PLPBP: variants seen among roughly 807,000 people sequenced by gnomAD.
The protein encoded by PLPBP is pyridoxal phosphate binding protein.
A neutral mutation model predicts 31.2 loss-of-function variants in PLPBP; 21 were observed. The ratio of observed to expected loss-of-function variants is 0.67; its 90% CI spans 0.48 to 0.97. The LOEUF (loss-of-function observed/expected upper bound fraction) is 0.97. Ranked by LOEUF, PLPBP falls within the 50% of genes least tolerant of loss-of-function variation. The pLI is 0.00. For synonymous variants in PLPBP, 124 were observed against 135.6 expected, an observed-to-expected ratio of 0.91 and a Z score of 0.59; for missense variants, 308 against 354.4, an observed-to-expected ratio of 0.87 and a Z score of 1.05.
chr8:37,764,699 G>C (rs1207746945), intron 1 of PLPBP, among the ~76,000 whole-genome samples: 2 of 152,214 alleles, frequency 1.3e-5, no homozygotes, highest in Admixed American at 6.5e-5. Flanking sequence ...AAATGGGGCA[G>C]TGTTATTATG....
At position 37,762,707 on chromosome 8, in the gene PLPBP, A is replaced by G. The variant is rs906414742; in HGVS notation, c.48A>G (p.Ala16=). The G allele has an allele frequency of 3.1e-6, 5 of 1,591,162 alleles. No homozygotes were observed. In the East Asian group the frequency reaches 9.0e-5, roughly 29 times the overall value. The change falls in exon 1 of 8, where the codon GCA becomes GCG. Residue 16 remains alanine, a synonymous_variant. Transcript: ENST00000328195. ...CGGCCGAGCTGGGAGTCGGGTGCGC[A>G]TTGCGGGCGGTGAACGAGCGCGTGC... is the stretch of plus-strand genomic sequence containing the variant. The part of the protein sequence containing the change: ...SMSAELGVGC[A]LRAVNERVQQ...
chr8:37,777,864 C>A (rs1007537242), intron 7 of PLPBP, 109 bp from the exon 8 acceptor site: 4 of 1,308,840 alleles, frequency 3.1e-6, no homozygotes, highest in Admixed American at 2.0e-5. Context: ...AGCCACCACG[C>A]CCCGTCCATA....
chr8:37,762,782 A>G, intron 1 of PLPBP, 24 bp downstream of exon 1: 2 of 1,540,554 alleles, frequency 1.3e-6, no homozygotes, highest in South Asian at 2.4e-5. Flanking sequence ...CTGCGTGGGG[A>G]CGGTGGGCGG....
In PLPBP at chr8:37,765,634, G is replaced by T. The variant is rs767795673; in HGVS notation, c.207+1G>T. 3.7e-6 allele frequency: 6 copies of T among 1,614,078 alleles called. No homozygotes were observed. The highest frequency in any genetic ancestry group is 2.7e-5 in the African/African-American group (2 of 74,942). On this transcript the variant is annotated splice_donor_variant, in intron 2 of 7. Transcript: ENST00000328195. LOFTEE classifies it high-confidence loss of function. ...GCAGCGCACTTTTGGCGAGAACTAC[G>T]TAAGAGCCCTTTCCTGAAGCCCTTT...
rs1477705103 is a variant in PLPBP at position 37,779,389 on chromosome 8, T to G, written c.*1285T>G. On this transcript the variant is annotated 3_prime_UTR_variant, in exon 8 of 8. Transcript: ENST00000328195. Reference sequence around the variant, plus strand: ...TGTCCTGAGGAGCACTTTCCAGGCATAGTTACAGCTTCCCCACTGTATTTA... The same window carrying G: ...TGTCCTGAGGAGCACTTTCCAGGCAGAGTTACAGCTTCCCCACTGTATTTA... 2 of 152,124 alleles carry G rather than the reference T, an allele frequency of 1.3e-5. No individual in the cohort carries two copies. Among genetic ancestry groups the G allele is most frequent in the Non-Finnish European group, 2.9e-5 (2 of 68,026 alleles). 9.4% of individuals were successfully genotyped at this position (152,124 alleles called of 1,614,324 possible).
Position 37,772,763 on chromosome 8 carries a change from A to T in PLPBP, c.328A>T (p.Asn110Tyr). ...CCTCTGTCTCATTACAGCTGTCCCC[A>T]ATCTCTTCATGCTGGAAACAGTGGA... ...QNVNKLMAVP[N>Y]LFMLETVDSV... Residue 110 changes from asparagine to tyrosine, a missense_variant, in exon 5 of 8, where the codon AAT becomes TAT. Physicochemically the swap from Asn to Tyr is moderately radical, Grantham distance 143. Coordinates refer to ENST00000328195, the MANE Select transcript of PLPBP (RefSeq NM_007198.4). 6.2e-7 allele frequency: 1 copy of T among 1,614,190 alleles called. No homozygotes were observed. Among genetic ancestry groups the T allele is most frequent in the Non-Finnish European group, 8.5e-7 (1 of 1,180,036 alleles).
chr8:37,773,797 C>T (rs1212215471), intron 5 of PLPBP, among the ~76,000 whole-genome samples: 1 of 151,898 alleles, frequency 6.6e-6, no homozygotes, highest in South Asian at 2.1e-4. Context: ...CTGGAAACCC[C>T]CAAAGGTCAC....
At chr8:37,774,583 C>T (rs1803854209) in intron 5 of PLPBP, among the ~76,000 whole-genome samples, 1 of 152,144 alleles carries the variant, frequency 6.6e-6, no homozygotes, top group Non-Finnish European at 1.5e-5. Flanking sequence ...CAGTATTCAC[C>T]AAATCTTAGT....
chr8:37,775,917 G>T lies in PLPBP; in HGVS notation c.598-1G>T. ...AAATAGGTGTCATCTCTTTCTGTCA[G>T]CTGTTATTGTCCCTCCGGGAGGAGC... On this transcript the variant is annotated splice_acceptor_variant, in intron 6 of 7. Coordinates refer to ENST00000328195, the MANE Select transcript of PLPBP (RefSeq NM_007198.4). LOFTEE classifies it high-confidence loss of function. The T allele has an allele frequency of 6.2e-7, 1 of 1,611,162 alleles. No individual in the cohort carries two copies. The highest frequency in any genetic ancestry group is 8.5e-7 in the Non-Finnish European group (1 of 1,177,842).
Position 37,779,104 on chromosome 8 carries a change from C to G in PLPBP, c.*1000C>G, listed in dbSNP as rs372986893. 1 of 152,108 alleles carries G rather than the reference C, an allele frequency of 6.6e-6. No individual in the cohort carries two copies. Among genetic ancestry groups the G allele is most frequent in the Non-Finnish European group, 1.5e-5 (1 of 68,026 alleles). The allele number at this position is 152,108 out of a possible 1,614,324, so 9.4% of individuals were successfully genotyped here. On this transcript the variant is annotated 3_prime_UTR_variant, in exon 8 of 8. Transcript: ENST00000328195. ...AGTGAGAGCTTGTGTCACTGCCACTCTGTTTTATCCCTGAAATTAAAGGAT... is the reference window on the plus strand; with the variant it reads ...AGTGAGAGCTTGTGTCACTGCCACTGTGTTTTATCCCTGAAATTAAAGGAT...
At chr8:37,776,868 G>C (rs1418028040) in intron 7 of PLPBP, among the ~76,000 whole-genome samples, 1 of 152,158 alleles carries the variant, frequency 6.6e-6, no homozygotes, top group African/African-American at 2.4e-5. Flanking sequence ...CCAGGTTCAA[G>C]TGATTCTCCT....
At position 37,765,714 on chromosome 8, in the gene PLPBP, C is replaced by A; in HGVS notation, c.211C>A (p.Gln71Lys). ...TTGTTCTGTTTTGACCTTTTAGGTTCAGGAACTGCTAGAAAAAGCATCAAA... is the reference window on the plus strand; with the variant it reads ...TTGTTCTGTTTTGACCTTTTAGGTTAAGGAACTGCTAGAAAAAGCATCAAA... Reference protein sequence around the residue: ...GQRTFGENYVQELLEKASNPK... With the variant: ...GQRTFGENYVKELLEKASNPK... Residue 71 changes from glutamine (Q) to lysine (K), a missense_variant, in exon 3 of 8, where the codon CAG (glutamine) becomes AAG (lysine). By Grantham distance (53) the Gln-to-Lys change is moderately conservative (BLOSUM62 1). Around this residue, in one of 2 missense-constraint regions of PLPBP, gnomAD observed 188 missense variants for 259.3 expected, o/e 0.73. Transcript: ENST00000328195. 1 of 1,613,446 alleles carries A rather than the reference C, an allele frequency of 6.2e-7. No homozygotes were observed. The highest frequency in any genetic ancestry group is 8.5e-7 in the Non-Finnish European group (1 of 1,179,872).
At position 37,765,521 on chromosome 8, in the gene PLPBP, G is replaced by T. The variant is rs373801857; in HGVS notation, c.100-5G>T. The T allele has an allele frequency of 7.1e-5, 114 of 1,612,894 alleles. No individual in the cohort carries two copies. The highest frequency in any genetic ancestry group is 9.3e-5 in the Non-Finnish European group (110 of 1,179,490). The stretch of plus-strand genomic sequence containing the variant: ...TCACTCATATGGCTCTTTCCCTCTT[G>T]GCAGGATCTCCCAGCCATCCAGCCC... On this transcript the variant is annotated splice_region_variant and splice_polypyrimidine_tract_variant and intron_variant, in intron 1 of 7. Coordinates refer to ENST00000328195, the MANE Select transcript of PLPBP (RefSeq NM_007198.4).
chr8:37,763,898 G>T (rs891986880), intron 1 of PLPBP, among the ~76,000 whole-genome samples: 1 of 152,128 alleles, frequency 6.6e-6, no homozygotes. Flanking sequence ...ACTAAATCGT[G>T]CAAGGATAAA....
chr8:37,773,303 G>A (rs1027599508), intron 5 of PLPBP, among the ~76,000 whole-genome samples: 1 of 151,584 alleles, frequency 6.6e-6, no homozygotes, highest in Admixed American at 6.6e-5. Flanking sequence ...AAGTAGCTGG[G>A]ACTACAGGCG....
chr8:37,772,640 C>T lies in PLPBP; in HGVS notation c.320-115C>T, dbSNP rs866777412. ...TCTTCTCAGAGGAACTGAGATTTAA[C>T]TGTGTTTTTCTTTTCCTGGCATATT... On this transcript the variant is annotated intron_variant, in intron 4 of 7. Transcript: ENST00000328195. The T allele has an allele frequency of 8.3e-5, 104 of 1,249,530 alleles. No homozygotes were observed. The African/African-American group carries it at 1.4e-3, about 16-fold the overall frequency. The allele number at this position is 1,249,530 out of a possible 1,614,324, so 77.4% of individuals were successfully genotyped here. A position where few individuals can be genotyped will look rare whatever the true frequency, so the allele number is the denominator to read the frequency against.
At chr8:37,775,833 C>A in intron 6 of PLPBP, 85 bp from the exon 7 acceptor site, 1 of 1,324,034 alleles carries the variant, frequency 7.6e-7, no homozygotes. Flanking sequence ...AATACATAAC[C>A]GTTGTCAGAG....
rs752466758 is a variant in PLPBP, at chr8:37,762,778, G to A, written c.99+20G>A. 4 of 1,544,868 alleles carry A rather than the reference G, an allele frequency of 2.6e-6. No individual in the cohort carries two copies. Among genetic ancestry groups the A allele is most frequent in the Middle Eastern group, 2.2e-4 (1 of 4,590 alleles). ...CCGCGGGTGAGGAAGGAGGCTGCGT[G>A]GGGACGGTGGGCGGCCGCCTTGAGA... On this transcript the variant is annotated intron_variant, in intron 1 of 7. Coordinates refer to ENST00000328195, the MANE Select transcript of PLPBP (RefSeq NM_007198.4).
chr8:37,762,905 A>G, intron 1 of PLPBP, 147 bp downstream of exon 1: 7 of 1,059,102 alleles, frequency 6.6e-6, no homozygotes, highest in Non-Finnish European at 9.3e-6. Context: ...AGGCTAGCGA[A>G]GGGTTTCCCC....
Sources: allele counts gnomAD v4.1 joint callset (sites outside exome capture counted in the v4.1 genomes callset), GRCh38; gene constraint gnomAD v4.1.1; regional missense constraint gnomAD v4.1.1; transcripts MANE v1.5; gene names NCBI Gene and HGNC (gene_info 2026-07-23, HGNC 2026-07-21).